The following PCDH7 variants were observed in gnomAD, a reference collection of about 807,000 sequenced individuals.
The protein encoded by PCDH7 is protocadherin 7.
PCDH7 carries 17 observed loss-of-function variants against 58.9 expected under a neutral mutation model. The ratio of observed to expected loss-of-function variants is 0.29; its 90% confidence interval spans 0.20 to 0.43. The LOEUF is 0.43. Among genes scored for constraint, PCDH7 ranks in the 20% least tolerant of loss-of-function variants. The probability of loss-of-function intolerance (pLI) is 1.00; values close to 1 mark genes in which losing one functional copy is unlikely to be tolerated. For missense variants in PCDH7, 1,274 were observed against 1,441.0 expected, an observed-to-expected ratio of 0.88 and a Z score of 1.88; for synonymous variants, 664 against 616.4, an observed-to-expected ratio of 1.08 and a Z score of -1.14.
At chr4:31,047,863 T>C (rs9991213) in intron 3 of PCDH7, among the ~76,000 whole-genome samples, 5,676 of 152,182 alleles carry the variant, frequency 0.037, 375 homozygotes, top group African/African-American at 0.13. Context: ...TAAAAAGTGA[T>C]AAGTTCCCAC....
intron 1 of PCDH7, among the ~76,000 whole-genome samples, chr4:30,821,555 CCT>C (rs1300557981): frequency 6.6e-6 from 1 of 152,164 alleles, no homozygotes; most frequent in African/African-American, 2.4e-5. Context: ...TGGGCATAGC[CCT>C]GTGTGCTTAA....
At chr4:30,848,374 AT>A (rs1448727915) in intron 1 of PCDH7, among the ~76,000 whole-genome samples, 1 of 152,166 alleles carries the variant, frequency 6.6e-6, no homozygotes, top group Admixed American at 6.6e-5. Context: ...CAAAATTATA[AT>A]TTTAATATGT....
intron 3 of PCDH7, among the ~76,000 whole-genome samples, chr4:31,094,892 C>A (rs1280219725): frequency 6.6e-6 from 1 of 152,122 alleles, no homozygotes; most frequent in Non-Finnish European, 1.5e-5. Context: ...AAGCTAGCAT[C>A]AAATACCAAT....
intron 3 of PCDH7, among the ~76,000 whole-genome samples, chr4:31,026,483 A>T (rs186284797): frequency 2.0e-5 from 3 of 152,332 alleles, no homozygotes; most frequent in Non-Finnish European, 4.4e-5. Flanking sequence ...CATATTATGG[A>T]GCTGACAGAT....
At chr4:30,966,540 A>G (rs1560539997) in intron 3 of PCDH7, among the ~76,000 whole-genome samples, 1 of 152,110 alleles carries the variant, frequency 6.6e-6, no homozygotes, top group African/African-American at 2.4e-5. Flanking sequence ...AAAGTAAAGG[A>G]AGAGAAACAC....
chr4:30,855,370 C>T (rs1317024772), intron 1 of PCDH7, among the ~76,000 whole-genome samples: 3 of 152,160 alleles, frequency 2.0e-5, no homozygotes, highest in Non-Finnish European at 2.9e-5. Flanking sequence ...CTCATTGCCC[C>T]TTTCCCCAGA....
Position 30,722,084 on chromosome 4 carries a change from G to T in PCDH7, c.662G>T (p.Gly221Val). 1 of 1,312,868 alleles carries T rather than the reference G, an allele frequency of 7.6e-7. No individual in the cohort carries two copies. Among genetic ancestry groups the T allele is most frequent in the Non-Finnish European group, 9.7e-7 (1 of 1,035,340 alleles). The allele number at this position is 1,312,868 out of a possible 1,614,324, so 81.3% of individuals were successfully genotyped here. ...GGCGCGAGCGGCGGCGGCTCGGGAG[G>T]CTCCAAGCGGCGGCTGGACGCATCA... is the stretch of plus-strand genomic sequence containing the variant. The change falls in exon 1 of 2, where the codon GGC becomes GTC. Residue 221 changes from glycine to valine, a missense_variant. Transcript: ENST00000361762. This position sits in a 1 kb window ranked among gnomAD's most constrained non-coding sequence, Gnocchi z 7.6.
chr4:30,723,244 A>G lies in PCDH7; in HGVS notation c.1822A>G (p.Lys608Glu), dbSNP rs1006927931. ...CGAGCAGACTGACAGGTATGAGTTT[A>G]AAGTTAACGCCAAAGACAAAGGCAT... is the stretch of plus-strand genomic sequence containing the variant. Residue 608 changes from lysine (K) to glutamate (E), a missense_variant, in exon 1 of 2, where the codon AAA becomes GAA. By Grantham distance (56) the Lys-to-Glu change is moderately conservative. Transcript: ENST00000361762. The surrounding 1 kb of genome is among the most constrained non-coding windows in gnomAD (Gnocchi z 4.6). 4 of 1,614,216 alleles carry G rather than the reference A, an allele frequency of 2.5e-6. No homozygotes were observed. The highest frequency in any genetic ancestry group is 3.4e-6 in the Non-Finnish European group (4 of 1,180,038).
intron 1 of PCDH7, among the ~76,000 whole-genome samples, chr4:30,872,119 C>T (rs1735690006): frequency 6.6e-6 from 1 of 152,044 alleles, no homozygotes; most frequent in African/African-American, 2.4e-5. Context: ...AACAATTTAG[C>T]CCATAACAGA....
chr4:30,831,874 A>T (rs554026203), intron 1 of PCDH7, among the ~76,000 whole-genome samples: 41 of 152,200 alleles, frequency 2.7e-4, no homozygotes, highest in Non-Finnish European at 4.6e-4. Context: ...TTTTTTTCCT[A>T]TGATGAGTTC....
At chr4:30,799,689 T>A (rs1269400854) in intron 1 of PCDH7, among the ~76,000 whole-genome samples, 1 of 152,288 alleles carries the variant, frequency 6.6e-6, no homozygotes, top group Non-Finnish European at 1.5e-5. Flanking sequence ...TTAGAAAATA[T>A]TTATTTTTCT....
At chr4:31,098,572 G>A (rs1222216595) in intron 3 of PCDH7, among the ~76,000 whole-genome samples, 1 of 152,004 alleles carries the variant, frequency 6.6e-6, no homozygotes, top group African/African-American at 2.4e-5. Context: ...AAACTACTTG[G>A]GCTCACATCC....
chr4:30,966,769 C>A (rs115920014), intron 3 of PCDH7, among the ~76,000 whole-genome samples: 1 of 152,142 alleles, frequency 6.6e-6, no homozygotes, highest in Non-Finnish European at 1.5e-5. Flanking sequence ...TCTCCTCAGA[C>A]CATGCATCAA....
chr4:30,955,135 G>T (rs929956908), intron 3 of PCDH7, among the ~76,000 whole-genome samples: 3 of 151,868 alleles, frequency 2.0e-5, no homozygotes, highest in Middle Eastern at 3.2e-3. Flanking sequence ...CTTGTTTGAG[G>T]TATACACAGA....
At chr4:30,931,805 T>C (rs1744637275) in intron 2 of PCDH7, among the ~76,000 whole-genome samples, 1 of 142,382 alleles carries the variant, frequency 7.0e-6, no homozygotes, top group African/African-American at 2.7e-5. Context: ...AATCACCTTA[T>C]GCTTCTATTT....
chr4:31,099,495 A>G (rs564612844), intron 3 of PCDH7, among the ~76,000 whole-genome samples: 1 of 152,366 alleles, frequency 6.6e-6, no homozygotes, highest in East Asian at 1.9e-4. Flanking sequence ...AGTGATGTGG[A>G]ATAACAGGCT....
At chr4:30,889,137 C>CAAAAAAA (rs371917620) in intron 1 of PCDH7, among the ~76,000 whole-genome samples, 247 of 49,950 alleles carry the variant, frequency 4.9e-3, no homozygotes, top group African/African-American at 0.017. Flanking sequence ...GCAGATATCT[C>CAAAAAAA]AAAAAAAAAA....
chr4:30,968,321 A>ACAC lies in PCDH7; in HGVS notation c.*7+18106_*7+18107insCAC, dbSNP rs1274870746. 1.1e-3 allele frequency among the ~76,000 whole-genome samples: 121 copies of ACAC among 113,912 alleles called. 1 individual carries two copies. The highest frequency in any genetic ancestry group is 1.1e-3 in the Non-Finnish European group (67 of 58,936). 74.7% of individuals were successfully genotyped at this position (113,912 alleles called of 152,430 possible). A position where few individuals can be genotyped will look rare whatever the true frequency, so the allele number is the denominator to read the frequency against. On this transcript the variant is annotated intron_variant, in intron 3 of 3. Coordinates refer to the PCDH7 transcript ENST00000509759. ...CTCTCTCTATATATATATATACACT[A>ACAC]TATATATATATACACACACTATATA...
At chr4:31,090,703 C>A (rs549221387) in intron 3 of PCDH7, among the ~76,000 whole-genome samples, 5 of 152,130 alleles carry the variant, frequency 3.3e-5, no homozygotes, top group African/African-American at 1.2e-4. Context: ...CATCAACTTT[C>A]ATATATTTTG....
Sources: allele counts gnomAD v4.1 joint callset (sites outside exome capture counted in the v4.1 genomes callset), GRCh38; gene constraint gnomAD v4.1.1; non-coding constraint Gnocchi (gnomAD v3.1); transcripts MANE v1.5; gene names NCBI Gene and HGNC (gene_info 2026-07-23, HGNC 2026-07-21).